The following PCLO variants were observed in gnomAD, a reference collection of about 807,000 sequenced individuals.
PCLO encodes the protein protein piccolo.
Under a neutral mutation model 427.5 loss-of-function variants are expected in PCLO, and 82 were observed. The observed-to-expected ratio is 0.19, with a 90% CI of 0.16 to 0.23. PCLO has a LOEUF of 0.23. Among genes scored for constraint, PCLO ranks in the 10% least tolerant of loss-of-function variants. PCLO has a pLI of 1.00. For synonymous variants in PCLO, 2,357 were observed against 2,155.4 expected (o/e 1.09, Z -2.59); for missense variants, 6,239 against 6,115.9 (o/e 1.02, Z -0.67).
At chr7:83,052,348 A>G (rs953255448) in intron 3 of PCLO, among the ~76,000 whole-genome samples, 18 of 152,006 alleles carry the variant, frequency 1.2e-4, no homozygotes, top group African/African-American at 4.3e-4. Context: ...TATTAAATAA[A>G]AAACAAAACA....
chr7:82,892,082 A>T (rs1038570738), intron 9 of PCLO, among the ~76,000 whole-genome samples: 9 of 152,134 alleles, frequency 5.9e-5, no homozygotes, highest in African/African-American at 2.2e-4. Context: ...ACTACTTTAA[A>T]GTTCATATGG....
chr7:83,155,991 T>C lies in PCLO; in HGVS notation c.650A>G (p.Lys217Arg), dbSNP rs754806998. 107 of 1,613,604 alleles carry C rather than the reference T, an allele frequency of 6.6e-5. No homozygotes were observed. Among genetic ancestry groups the C allele is most frequent in the Non-Finnish European group, 8.1e-5 (96 of 1,179,842 alleles). ...AGGTCCTTGCTGCTTAGGAATCGGC[T>C]TGGGTGGCTGTTGTTGTAAAGGAGG... ...IKPPLQQQPP[K>R]PIPKQQGPGR... The change falls in exon 2 of 25, where the codon AAG becomes AGG. Residue 217 changes from lysine (K) to arginine (R), a missense_variant. Physicochemically the swap from Lys to Arg is conservative, Grantham distance 26 (BLOSUM62 2). Coordinates refer to ENST00000333891, the MANE Select transcript of PCLO (RefSeq NM_033026.6).
At position 83,038,085 on chromosome 7, in the gene PCLO, C is replaced by T. The variant is rs9691563; in HGVS notation, c.3301-71598G>A. Among the ~76,000 whole-genome samples the T allele has an allele frequency of 3.3e-3, 149 of 45,298 alleles. 10 individuals carry two copies. Among genetic ancestry groups the T allele is most frequent in the African/African-American group, 0.012 (140 of 11,526 alleles). The allele number at this position is 45,298 out of a possible 152,430, so 29.7% of individuals were successfully genotyped here. On this transcript the variant is annotated intron_variant, in intron 3 of 24. Coordinates refer to ENST00000333891, the MANE Select transcript of PCLO (RefSeq NM_033026.6). ...TATATTTATATATTTATATATATAT[C>T]TTTATATATATATATTTATATATGT...
At chr7:82,935,051 G>A (rs1210953878) in intron 6 of PCLO, among the ~76,000 whole-genome samples, 2 of 150,302 alleles carry the variant, frequency 1.3e-5, no homozygotes, top group Non-Finnish European at 3.0e-5. Context: ...TTCATATAAG[G>A]GTTCAAAAAT....
chr7:82,908,587 C>T (rs1406249416), intron 8 of PCLO, among the ~76,000 whole-genome samples: 1 of 152,028 alleles, frequency 6.6e-6, no homozygotes, highest in Non-Finnish European at 1.5e-5. Flanking sequence ...GCTCTCAGAG[C>T]TCCATCTATT....
rs1041672582 is a variant in PCLO at position 82,799,806 on chromosome 7, C to T, written c.15007+1712G>A. 3.9e-5 allele frequency among the ~76,000 whole-genome samples: 6 copies of T among 152,156 alleles called. No homozygotes were observed. The South Asian group carries it at 1.0e-3, about 26-fold the overall frequency. ...CCAGAAAGCAGGCTTGTCCTGGTTT[C>T]GGCTCTCGCTGTCCTCTAGCTTATG... On this transcript the variant is annotated intron_variant, in intron 22 of 24. Coordinates refer to ENST00000333891, the MANE Select transcript of PCLO (RefSeq NM_033026.6).
rs374002924 is a variant in PCLO at position 82,953,056 on chromosome 7, T to C, written c.7897A>G (p.Ile2633Val). Residue 2633 changes from isoleucine (I) to valine (V), a missense_variant, in exon 5 of 25, where the codon ATT becomes GTT. Ile to Val is a conservative substitution (Grantham distance 29, BLOSUM62 3). This residue lies in a region of PCLO where 4,677 missense variants were observed against 4,468.4 expected (regional missense o/e 1.05). Transcript: ENST00000333891. ...ATGTAGAAGGTCTGTTCTGAAGAAA[T>C]TGGAATTTCTACAGCTGTCACAGGA... Reference protein sequence around the residue: ...VPPVTAVEIPISSEQTFYISG... With the variant: ...VPPVTAVEIPVSSEQTFYISG... 88 of 1,613,896 alleles carry C rather than the reference T, an allele frequency of 5.5e-5. No homozygotes were observed. The highest frequency in any genetic ancestry group is 3.6e-4 in the East Asian group (16 of 44,884).
At chr7:82,983,678 T>C (rs1284972398) in intron 3 of PCLO, among the ~76,000 whole-genome samples, 1 of 151,042 alleles carries the variant, frequency 6.6e-6, no homozygotes, top group Non-Finnish European at 1.5e-5. Flanking sequence ...AAATGTATCA[T>C]CATGTTAGCA....
chr7:82,980,650 C>T (rs1480278470), intron 3 of PCLO, among the ~76,000 whole-genome samples: 2 of 152,102 alleles, frequency 1.3e-5, no homozygotes, highest in African/African-American at 4.8e-5. Context: ...CCCTAGGCTA[C>T]TTGCATTTGA....
At chr7:82,824,157 G>T in intron 19 of PCLO, 79 bp downstream of exon 19, 7 of 935,320 alleles carry the variant, frequency 7.5e-6, no homozygotes, top group Admixed American at 2.7e-5. Context: ...TAGGTTAAAT[G>T]TACAAACATT....
intron 3 of PCLO, among the ~76,000 whole-genome samples, chr7:83,115,013 T>C (rs1253929844): frequency 6.6e-6 from 1 of 152,090 alleles, no homozygotes; most frequent in African/African-American, 2.4e-5. Context: ...GTTATCCTTC[T>C]AATAGTTACT....
intron 4 of PCLO, 100 bp from the exon 5 acceptor site, chr7:82,957,035 T>A (rs1795542682): frequency 7.8e-7 from 1 of 1,282,296 alleles, no homozygotes; most frequent in Non-Finnish European, 1.0e-6. Context: ...TGAAAAATAA[T>A]TTTGGAAAAT....
chr7:82,954,458 G>A lies in PCLO; in HGVS notation c.6495C>T (p.Thr2165=), dbSNP rs769828004. 6.2e-7 allele frequency: 1 copy of A among 1,613,916 alleles called. No individual in the cohort carries two copies. The highest frequency in any genetic ancestry group is 1.1e-5 in the South Asian group (1 of 91,070). ...EIIAHESLIL[T]YSEPSESATS... ...TAGCACTTTCTGAAGGCTCCGAGTA[G>A]GTCAAAATCAGCGATTCATGGGCAA... is the stretch of plus-strand genomic sequence containing the variant. Residue 2165 remains threonine, a synonymous_variant, in exon 5 of 25, where the codon ACC becomes ACT. Coordinates refer to ENST00000333891, the MANE Select transcript of PCLO (RefSeq NM_033026.6).
At chr7:83,158,764 C>A (rs1792362414) in intron 1 of PCLO, among the ~76,000 whole-genome samples, 1 of 151,860 alleles carries the variant, frequency 6.6e-6, no homozygotes, top group African/African-American at 2.4e-5. Context: ...CTATAGAATC[C>A]CCATCAGAAA....
At chr7:82,819,248 T>C (rs1791740539) in intron 20 of PCLO, among the ~76,000 whole-genome samples, 1 of 152,138 alleles carries the variant, frequency 6.6e-6, no homozygotes, top group African/African-American at 2.4e-5. Flanking sequence ...TCAATTATGA[T>C]TTTAATGAAG....
At position 82,760,624 on chromosome 7, in the gene PCLO, A is replaced by G. The variant is rs748260399; in HGVS notation, c.15288+15T>C. ...ATGAGAAGTTTCAAATATGAACTACATAATACAGAGCTACCTGAAGAGAAT... is the reference window on the plus strand; with the variant it reads ...ATGAGAAGTTTCAAATATGAACTACGTAATACAGAGCTACCTGAAGAGAAT... On this transcript the variant is annotated intron_variant, in intron 24 of 24. Transcript: ENST00000333891. 2 of 1,553,354 alleles carry G rather than the reference A, an allele frequency of 1.3e-6. No homozygotes were observed.
chr7:83,114,931 T>C (rs192071371), intron 3 of PCLO, among the ~76,000 whole-genome samples: 82 of 152,130 alleles, frequency 5.4e-4, no homozygotes, highest in African/African-American at 1.9e-3. Context: ...TTATTAAGGG[T>C]TTTGTATAGT....
In PCLO at chr7:82,953,268, G is replaced by A. The variant is rs867538797; in HGVS notation, c.7685C>T (p.Ser2562Phe). Residue 2562 changes from serine (S) to phenylalanine (F), a missense_variant, in exon 5 of 25, where the codon TCC (serine) becomes TTC (phenylalanine). Transcript: ENST00000333891. ...YKLPSPTSPL[S>F]PHSNKSSPRF... ...TGGTGAAGACTTGTTGGAGTGTGGGGAAAGTGGGGAGGTAGGGGAAGGCAA... is the reference window on the plus strand; with the variant it reads ...TGGTGAAGACTTGTTGGAGTGTGGGAAAAGTGGGGAGGTAGGGGAAGGCAA... The A allele has an allele frequency of 6.2e-7, 1 of 1,613,932 alleles. No individual in the cohort carries two copies. The highest frequency in any genetic ancestry group is 8.5e-7 in the Non-Finnish European group (1 of 1,179,862).
intron 6 of PCLO, among the ~76,000 whole-genome samples, chr7:82,921,558 C>T (rs1285126881): frequency 6.6e-6 from 1 of 152,002 alleles, no homozygotes; most frequent in Non-Finnish European, 1.5e-5. Flanking sequence ...AAGATTGAAA[C>T]TGGACCCTTT....
Sources: gnomAD v4.1 joint callset for allele counts (sites outside exome capture counted in the v4.1 genomes callset) on GRCh38, gnomAD v4.1.1 for gene constraint, gnomAD v4.1.1 regional missense constraint, MANE v1.5 for transcripts, NCBI Gene and HGNC (gene_info 2026-07-23, HGNC 2026-07-21) for gene names.